NKAIN3: variants seen among roughly 807,000 people sequenced by gnomAD.
NKAIN3 encodes the protein sodium/potassium-transporting ATPase subunit beta-1-interacting protein 3.
In NKAIN3, 25 loss-of-function variants were observed where a neutral mutation model predicts 30.2. That is an observed-to-expected ratio of 0.83 (90% CI 0.60 to 1.16). The LOEUF (loss-of-function observed/expected upper bound fraction) is 1.16, where lower values mean the gene tolerates loss of function less well. NKAIN3 is among the 50% of genes most tolerant of loss of function. The pLI is 0.00. For missense variants in NKAIN3, 225 were observed against 254.1 expected, an observed-to-expected ratio of 0.89 and a Z score of 0.78; for synonymous variants, 91 against 89.6, an observed-to-expected ratio of 1.02 and a Z score of -0.09.
chr8:62,365,217 A>G (rs1227381694), intron 1 of NKAIN3, among the ~76,000 whole-genome samples: 1 of 152,188 alleles, frequency 6.6e-6, no homozygotes, highest in Non-Finnish European at 1.5e-5. Flanking sequence ...AGTATACAGA[A>G]AAGTATAGAG....
intron 1 of NKAIN3, among the ~76,000 whole-genome samples, chr8:62,467,193 G>GCCTC (rs1563411776): frequency 6.6e-6 from 1 of 152,096 alleles, no homozygotes; most frequent in Non-Finnish European, 1.5e-5. Flanking sequence ...GTTGCTTCTT[G>GCCTC]CCTCCTCATT....
At chr8:62,697,522 T>G (rs540137952) in intron 3 of NKAIN3, among the ~76,000 whole-genome samples, 1 of 152,342 alleles carries the variant, frequency 6.6e-6, no homozygotes, top group East Asian at 1.9e-4. Context: ...ATTCTTTTTT[T>G]TACATAATAT....
In NKAIN3 at chr8:62,517,267, G is replaced by A. The variant is rs552166888; in HGVS notation, c.55-62272G>A. Among the ~76,000 whole-genome samples the A allele has an allele frequency of 1.1e-4, 17 of 152,184 alleles. No individual in the cohort carries two copies. In the South Asian group the frequency reaches 3.5e-3, roughly 32 times the overall value. On this transcript the variant is annotated intron_variant, in intron 1 of 6. Coordinates refer to ENST00000623646, the MANE Select transcript of NKAIN3 (RefSeq NM_001304533.3). ...TAAACTTGCCCTTAAAATGCAGTGG[G>A]TATTAATAAGAATAGTATAAAATAT...
At chr8:62,820,227 T>G (rs1216760175) in intron 4 of NKAIN3, among the ~76,000 whole-genome samples, 1 of 152,066 alleles carries the variant, frequency 6.6e-6, no homozygotes, top group Admixed American at 6.6e-5. Context: ...GTATCTCAGG[T>G]AGTGATATGG....
intron 3 of NKAIN3, among the ~76,000 whole-genome samples, chr8:62,659,350 G>A (rs1257239786): frequency 7.1e-5 from 1 of 14,182 alleles, no homozygotes; most frequent in Non-Finnish European, 1.3e-4. Context: ...ACCTCACTCT[G>A]GCACTTGCCA....
At chr8:62,299,901 A>C (rs1245393253) in intron 1 of NKAIN3, among the ~76,000 whole-genome samples, 1 of 152,106 alleles carries the variant, frequency 6.6e-6, no homozygotes, top group Non-Finnish European at 1.5e-5. Flanking sequence ...TTAGTTTAAA[A>C]ATTGTCTTTT....
chr8:62,606,915 T>C (rs1462123400), intron 3 of NKAIN3, among the ~76,000 whole-genome samples: 2 of 152,178 alleles, frequency 1.3e-5, no homozygotes, highest in Non-Finnish European at 2.9e-5. Context: ...TGGGTGTAGT[T>C]ATTTCCTACA....
At chr8:62,662,505 T>A (rs926932814) in intron 3 of NKAIN3, among the ~76,000 whole-genome samples, 4 of 152,240 alleles carry the variant, frequency 2.6e-5, no homozygotes, top group African/African-American at 9.6e-5. Context: ...GCTTATTACT[T>A]TTTTTACTAG....
At chr8:62,899,469 C>T (rs770941030) in intron 4 of NKAIN3, among the ~76,000 whole-genome samples, 1 of 152,056 alleles carries the variant, frequency 6.6e-6, no homozygotes, top group Non-Finnish European at 1.5e-5. Context: ...GGACATTATT[C>T]TAAGTGAAAT....
chr8:62,285,977 C>A (rs1813367567), intron 1 of NKAIN3, among the ~76,000 whole-genome samples: 1 of 152,154 alleles, frequency 6.6e-6, no homozygotes, highest in African/African-American at 2.4e-5. Flanking sequence ...ACTGTACTTG[C>A]AGTGGCTTAC....
intron 4 of NKAIN3, among the ~76,000 whole-genome samples, chr8:62,789,169 G>A (rs1268960932): frequency 3.9e-5 from 6 of 152,012 alleles, no homozygotes; most frequent in African/African-American, 1.5e-4. Context: ...CCATGAGCAT[G>A]GAATGTTCTT....
intron 3 of NKAIN3, among the ~76,000 whole-genome samples, chr8:62,667,870 A>C (rs1813176398): frequency 6.6e-6 from 1 of 151,876 alleles, no homozygotes. Flanking sequence ...ACCCACACTT[A>C]CTTTCAAGGT....
chr8:62,859,507 C>CAAAAAAAAAAAAAAAAA (rs1563597734), intron 4 of NKAIN3, among the ~76,000 whole-genome samples: 6 of 9,926 alleles, frequency 6.0e-4, no homozygotes, highest in East Asian at 1.9e-3. Flanking sequence ...CTTACTTCAA[C>CAAAAAAAAAAAAAAAAA]TAAAAAAAAA....
At chr8:62,530,371 T>C (rs1808450799) in intron 1 of NKAIN3, among the ~76,000 whole-genome samples, 1 of 152,172 alleles carries the variant, frequency 6.6e-6, no homozygotes, top group Non-Finnish European at 1.5e-5. Flanking sequence ...GTCTTTATCC[T>C]GTGACCCTGA....
At chr8:62,806,677 A>G (rs998607392) in intron 4 of NKAIN3, among the ~76,000 whole-genome samples, 1 of 151,948 alleles carries the variant, frequency 6.6e-6, no homozygotes, top group South Asian at 2.1e-4. Context: ...GTGGGGAGGG[A>G]TAGCATTAGG....
intron 3 of NKAIN3, among the ~76,000 whole-genome samples, chr8:62,601,947 C>T (rs34290856): frequency 0.095 from 14,356 of 151,906 alleles, 711 homozygotes; most frequent in Middle Eastern, 0.17. Context: ...AATTTGATTC[C>T]TCCTGTAGCT....
intron 4 of NKAIN3, among the ~76,000 whole-genome samples, chr8:62,805,565 T>C (rs1411407433): frequency 2.0e-5 from 3 of 152,048 alleles, no homozygotes; most frequent in Non-Finnish European, 4.4e-5. Context: ...GATTCCCTAT[T>C]TAATAAATGG....
At chr8:62,529,974 G>A (rs966771706) in intron 1 of NKAIN3, among the ~76,000 whole-genome samples, 1 of 152,108 alleles carries the variant, frequency 6.6e-6, no homozygotes, top group Non-Finnish European at 1.5e-5. Context: ...CTCCTGGCTC[G>A]GCTATCTGCC....
chr8:62,766,426 C>G (rs772226358), intron 4 of NKAIN3, among the ~76,000 whole-genome samples: 1 of 152,098 alleles, frequency 6.6e-6, no homozygotes, highest in African/African-American at 2.4e-5. Context: ...CTAAACACCC[C>G]CTCTGTATTT....
Sources: allele counts gnomAD v4.1 joint callset (sites outside exome capture counted in the v4.1 genomes callset), GRCh38; gene constraint gnomAD v4.1.1; transcripts MANE v1.5; gene names NCBI Gene and HGNC (gene_info 2026-07-23, HGNC 2026-07-21).